LUZP2: variants seen among roughly 807,000 people sequenced by gnomAD.
LUZP2 encodes leucine zipper protein 2.
LUZP2 carries 52 observed loss-of-function variants against 51.6 expected under a neutral mutation model. The observed-to-expected ratio is 1.01, with a 90% CI of 0.81 to 1.27. LUZP2 has a LOEUF of 1.27. Ranked by LOEUF, LUZP2 falls within the 50% of genes most tolerant of loss-of-function variation. LUZP2 has a pLI of 0.00. For synonymous variants in LUZP2, 154 were observed against 137.3 expected (o/e 1.12, Z -0.85); for missense variants, 436 against 395.4 (o/e 1.10, Z -0.87).
chr11:24,734,139 A>T (rs1004246668), intron 3 of LUZP2, among the ~76,000 whole-genome samples: 1 of 151,816 alleles, frequency 6.6e-6, no homozygotes, highest in African/African-American at 2.4e-5. Context: ...AGAAAGAAAA[A>T]TGTAGACCAG....
intron 10 of LUZP2, among the ~76,000 whole-genome samples, chr11:25,065,812 A>G (rs1469333498): frequency 6.6e-6 from 1 of 152,084 alleles, no homozygotes; most frequent in African/African-American, 2.4e-5. Context: ...TCTATGAGTC[A>G]GAGAAGGTGA....
intron 1 of LUZP2, among the ~76,000 whole-genome samples, chr11:24,672,382 A>G (rs908833637): frequency 1.3e-5 from 2 of 152,176 alleles, no homozygotes; most frequent in Non-Finnish European, 2.9e-5. Flanking sequence ...CAATAAATTA[A>G]CTTTCACCTT....
intron 5 of LUZP2, among the ~76,000 whole-genome samples, chr11:24,827,798 C>T (rs1285035889): frequency 6.6e-6 from 1 of 152,106 alleles, no homozygotes; most frequent in Non-Finnish European, 1.5e-5. Flanking sequence ...TGTTTGAGAA[C>T]ACTGGCCTGT....
At chr11:25,040,784 C>A (rs1244900711) in intron 9 of LUZP2, among the ~76,000 whole-genome samples, 2 of 152,116 alleles carry the variant, frequency 1.3e-5, no homozygotes, top group Non-Finnish European at 2.9e-5. Context: ...TCATTTTTGT[C>A]AGGACTCTAG....
In LUZP2 at chr11:24,738,258, C is replaced by T. The variant is rs1326382090; in HGVS notation, c.289C>T (p.Gln97Ter). The T allele has an allele frequency of 6.2e-7, 1 of 1,612,532 alleles. No individual in the cohort carries two copies. ...GTCTCTTCAGGAGGCCCTGCAAAAT[C>T]AGCTTAAGGAGACATCAGAGAAAGC... Reference protein sequence around the residue: ...MKSLQEALQNQLKETSEKAEK... With the variant: ...MKSLQEALQN Residue 97 changes from glutamine (Q) to a stop codon, truncating the protein, a stop_gained, in exon 4 of 12, where the codon CAG becomes TAG. Coordinates refer to ENST00000336930, the MANE Select transcript of LUZP2 (RefSeq NM_001009909.4). LOFTEE classifies it high-confidence loss of function.
intron 7 of LUZP2, among the ~76,000 whole-genome samples, chr11:24,958,930 A>G (rs1258341145): frequency 1.3e-5 from 2 of 152,196 alleles, no homozygotes; most frequent in South Asian, 2.1e-4. Context: ...TGATTTTTAT[A>G]TAAGGTAGTA....
chr11:24,592,819 C>G (rs1045895289), intron 1 of LUZP2, among the ~76,000 whole-genome samples: 11 of 151,906 alleles, frequency 7.2e-5, no homozygotes, highest in Admixed American at 2.6e-4. Flanking sequence ...AAAGTCAGAG[C>G]CAAATAATCA....
At position 24,774,432 on chromosome 11, in the gene LUZP2, G is replaced by A. The variant is rs71478104; in HGVS notation, c.396+11124G>A. Among the ~76,000 whole-genome samples, 383 of 104,280 alleles carry A rather than the reference G, an allele frequency of 3.7e-3. 4 individuals are homozygous for A. Among genetic ancestry groups the A allele is most frequent in the African/African-American group, 0.013 (276 of 20,786 alleles). The allele number at this position is 104,280 out of a possible 152,430, so 68.4% of individuals were successfully genotyped here. On this transcript the variant is annotated intron_variant, in intron 5 of 11. Transcript: ENST00000336930. Reference sequence around the variant, plus strand: ...GAATATATTCTTTATATATCTGTAGGGAGAATATATATATAAAGAATATAT... The same window carrying A: ...GAATATATTCTTTATATATCTGTAGAGAGAATATATATATAAAGAATATAT...
intron 5 of LUZP2, among the ~76,000 whole-genome samples, chr11:24,883,768 G>A (rs192974322): frequency 2.8e-4 from 42 of 152,080 alleles, no homozygotes; most frequent in Admixed American, 2.7e-3. Flanking sequence ...TGTCTTAAAC[G>A]ACAGTTTGCT....
At chr11:24,912,165 C>A (rs1304840688) in intron 6 of LUZP2, among the ~76,000 whole-genome samples, 1 of 150,736 alleles carries the variant, frequency 6.6e-6, no homozygotes, top group African/African-American at 2.4e-5. Flanking sequence ...CTCTTTCCTC[C>A]TCTTTCCTTC....
chr11:24,518,324 A>C (rs1323257345), intron 1 of LUZP2, among the ~76,000 whole-genome samples: 1 of 152,160 alleles, frequency 6.6e-6, no homozygotes, highest in Non-Finnish European at 1.5e-5. Context: ...CTAGGTTCTT[A>C]TAACTTTAGC....
chr11:24,754,411 G>C (rs1859699282), intron 4 of LUZP2, among the ~76,000 whole-genome samples: 3 of 152,118 alleles, frequency 2.0e-5, no homozygotes, highest in Admixed American at 2.0e-4. Flanking sequence ...TTTACCTGAT[G>C]TTTTATTAGC....
intron 6 of LUZP2, among the ~76,000 whole-genome samples, chr11:24,910,931 T>C (rs1590719085): frequency 6.6e-6 from 1 of 152,120 alleles, no homozygotes; most frequent in East Asian, 1.9e-4. Flanking sequence ...GGAGGGGGGC[T>C]GTACCTTGCA....
At chr11:24,641,102 T>C (rs1855267838) in intron 1 of LUZP2, among the ~76,000 whole-genome samples, 1 of 151,558 alleles carries the variant, frequency 6.6e-6, no homozygotes, top group Non-Finnish European at 1.5e-5. Flanking sequence ...TTTGTGGAGA[T>C]GAGGATCTTA....
chr11:24,601,633 A>G (rs1554961730), intron 1 of LUZP2, among the ~76,000 whole-genome samples: 3 of 151,710 alleles, frequency 2.0e-5, no homozygotes, highest in Non-Finnish European at 4.4e-5. Context: ...TCTCTGCCCA[A>G]TATATTTTAT....
intron 7 of LUZP2, among the ~76,000 whole-genome samples, chr11:24,936,731 G>T (rs1854598456): frequency 6.6e-6 from 1 of 152,032 alleles, no homozygotes; most frequent in South Asian, 2.1e-4. Context: ...TCTGTGTGGT[G>T]CAGGATTTGA....
intron 1 of LUZP2, among the ~76,000 whole-genome samples, chr11:24,571,715 ACT>A (rs1056145314): frequency 2.0e-5 from 3 of 152,062 alleles, no homozygotes; most frequent in Non-Finnish European, 2.9e-5. Context: ...ATTTGTTTTA[ACT>A]CTGTGATTTT....
At chr11:24,542,451 T>A (rs889355445) in intron 1 of LUZP2, among the ~76,000 whole-genome samples, 7 of 152,064 alleles carry the variant, frequency 4.6e-5, no homozygotes, top group African/African-American at 1.7e-4. Context: ...TCAGGATTCT[T>A]ATTTTTTTAT....
intron 1 of LUZP2, among the ~76,000 whole-genome samples, chr11:24,636,340 T>C (rs1370255402): frequency 6.6e-6 from 1 of 152,132 alleles, no homozygotes; most frequent in Non-Finnish European, 1.5e-5. Context: ...TTAAATATAA[T>C]CAACCTGGAG....
Sources: gnomAD v4.1 joint callset for allele counts (sites outside exome capture counted in the v4.1 genomes callset) on GRCh38, gnomAD v4.1.1 for gene constraint, MANE v1.5 for transcripts, NCBI Gene and HGNC (gene_info 2026-07-23, HGNC 2026-07-21) for gene names.